FGF12: variants seen among roughly 807,000 people sequenced by gnomAD.
The protein encoded by FGF12 is fibroblast growth factor 12B.
A neutral mutation model predicts 23.6 loss-of-function variants in FGF12; 14 were observed. That is an observed-to-expected ratio of 0.59 (90% CI 0.39 to 0.93). FGF12 has a LOEUF of 0.93. FGF12 is among the 40% of genes least tolerant of loss of function. The probability of loss-of-function intolerance (pLI) is 0.00; values close to 1 mark genes in which losing one functional copy is unlikely to be tolerated. For missense variants in FGF12, 175 were observed against 217.8 expected (o/e 0.80, Z 1.24); for synonymous variants, 62 against 77.3 (o/e 0.80, Z 1.04).
intron 4 of FGF12, among the ~76,000 whole-genome samples, chr3:192,269,000 C>T (rs1233840493): frequency 4.6e-5 from 7 of 152,120 alleles, no homozygotes; most frequent in East Asian, 3.9e-4. Flanking sequence ...CAGCAGCCTC[C>T]GCCTCCTGGG....
chr3:192,420,403 G>A (rs571542907), intron 2 of FGF12, among the ~76,000 whole-genome samples: 11 of 152,144 alleles, frequency 7.2e-5, no homozygotes, highest in South Asian at 2.1e-4. Flanking sequence ...ATGTAGTTCA[G>A]ATGTTAATCC....
intron 2 of FGF12, among the ~76,000 whole-genome samples, chr3:192,704,586 T>A (rs1718407327): frequency 6.6e-6 from 1 of 152,184 alleles, no homozygotes; most frequent in Non-Finnish European, 1.5e-5. Flanking sequence ...AGGGCCCTAC[T>A]ATTTTCAGAA....
At chr3:192,505,807 G>A (rs1005772220) in intron 2 of FGF12, among the ~76,000 whole-genome samples, 11 of 152,114 alleles carry the variant, frequency 7.2e-5, no homozygotes, top group African/African-American at 2.2e-4. Flanking sequence ...ATTTCTTATC[G>A]AGGGTAACAG....
intron 5 of FGF12, among the ~76,000 whole-genome samples, chr3:192,170,256 G>A (rs1254193001): frequency 6.9e-6 from 1 of 145,368 alleles, no homozygotes; most frequent in Non-Finnish European, 1.5e-5. Flanking sequence ...TTCTAGTGTG[G>A]GCGACAGAGC....
At chr3:192,602,732 A>C (rs1164698383) in intron 2 of FGF12, among the ~76,000 whole-genome samples, 1 of 151,982 alleles carries the variant, frequency 6.6e-6, no homozygotes, top group Non-Finnish European at 1.5e-5. Context: ...CAAAAAAAAA[A>C]AAAACACAGA....
chr3:192,202,970 T>C (rs1204221478), intron 4 of FGF12, among the ~76,000 whole-genome samples: 2 of 152,240 alleles, frequency 1.3e-5, no homozygotes, highest in Non-Finnish European at 2.9e-5. Flanking sequence ...AAATACAGCC[T>C]GCTAAACAGT....
chr3:192,296,042 GACTA>G (rs1178460428), intron 4 of FGF12, among the ~76,000 whole-genome samples: 27 of 141,128 alleles, frequency 1.9e-4, no homozygotes, highest in African/African-American at 5.8e-4. Flanking sequence ...CCACCATGCT[GACTA>G]ACTTTGTTTT....
intron 2 of FGF12, among the ~76,000 whole-genome samples, chr3:192,658,850 T>C (rs1028375809): frequency 9.2e-5 from 14 of 152,096 alleles, no homozygotes; most frequent in African/African-American, 3.1e-4. Context: ...TTTCCATTTG[T>C]TCTAAAAAAC....
chr3:192,408,258 A>G lies in FGF12; in HGVS notation c.14-47720T>C, dbSNP rs759023869. 7.1e-6 allele frequency: 11 copies of G among 1,543,838 alleles called. No homozygotes were observed. The African/African-American group carries it at 1.4e-4, about 19-fold the overall frequency. On this transcript the variant is annotated intron_variant, in intron 2 of 5. Transcript: ENST00000445105. This position sits in a 1 kb window ranked among gnomAD's most constrained non-coding sequence, Gnocchi z 7.3. ...GCGAGGGCCTCAGGCCCCAGCCTCTACTGCGCCCTCCGGCTTGCGCTCCGC... is the reference window on the plus strand; with the variant it reads ...GCGAGGGCCTCAGGCCCCAGCCTCTGCTGCGCCCTCCGGCTTGCGCTCCGC...
chr3:192,709,334 T>C (rs1035437841), intron 2 of FGF12, among the ~76,000 whole-genome samples: 4 of 152,206 alleles, frequency 2.6e-5, no homozygotes, highest in African/African-American at 7.2e-5. Context: ...ATGAACGAGT[T>C]TGGAGTCCTG....
chr3:192,623,260 TC>T (rs777826707), intron 2 of FGF12, among the ~76,000 whole-genome samples: 25 of 152,314 alleles, frequency 1.6e-4, no homozygotes, highest in Non-Finnish European at 3.1e-4. Context: ...GGGGGTATCA[TC>T]TTTTTTCTGA....
chr3:192,388,813 AT>A (rs1189989206), intron 2 of FGF12, among the ~76,000 whole-genome samples: 1 of 151,994 alleles, frequency 6.6e-6, no homozygotes, highest in Non-Finnish European at 1.5e-5. Flanking sequence ...TTTAAAACAT[AT>A]TCAATTTTAA....
At chr3:192,692,080 AG>A (rs1717959956) in intron 2 of FGF12, among the ~76,000 whole-genome samples, 1 of 152,190 alleles carries the variant, frequency 6.6e-6, no homozygotes, top group African/African-American at 2.4e-5. Context: ...GAATTCTACC[AG>A]ACATTTAAGG....
chr3:192,365,032 GA>G (rs1044075073), intron 2 of FGF12, among the ~76,000 whole-genome samples: 4 of 150,900 alleles, frequency 2.7e-5, no homozygotes, highest in African/African-American at 9.7e-5. Context: ...CTATTCATGA[GA>G]AAAAAAAATT....
In FGF12 at chr3:192,190,472, T is replaced by TC. The variant is rs1352276284; in HGVS notation, c.229-19817_229-19816insG. 2.8e-3 allele frequency among the ~76,000 whole-genome samples: 365 copies of TC among 130,824 alleles called. 1 individual carries two copies. Among genetic ancestry groups the TC allele is most frequent in the East Asian group, 0.024 (111 of 4,576 alleles). 85.8% of individuals were successfully genotyped at this position (130,824 alleles called of 152,430 possible). On this transcript the variant is annotated intron_variant, in intron 4 of 5. Coordinates refer to ENST00000445105, the MANE Select transcript of FGF12 (RefSeq NM_004113.6). ...ACAATCTGTAAGCCCAATACTCTTT[T>TC]TTTTTTTTTTTTTTTTTTTTTGAGA...
chr3:192,486,677 G>A (rs946996373), intron 2 of FGF12, among the ~76,000 whole-genome samples: 1 of 152,154 alleles, frequency 6.6e-6, no homozygotes, highest in Admixed American at 6.5e-5. Context: ...ATGTTAAAGT[G>A]TTCTTCTTTC....
intron 2 of FGF12, among the ~76,000 whole-genome samples, chr3:192,525,215 A>G (rs1486631257): frequency 1.3e-5 from 2 of 152,178 alleles, no homozygotes; most frequent in African/African-American, 4.8e-5. Flanking sequence ...TGCTGACAAG[A>G]TACCTACATA....
In FGF12 at chr3:192,142,047, G is replaced by A. The variant is rs1290307957; in HGVS notation, c.*1962C>T. 1 of 152,282 alleles carries A rather than the reference G, an allele frequency of 6.6e-6. No homozygotes were observed. The highest frequency in any genetic ancestry group is 6.6e-5 in the Admixed American group (1 of 15,238). The allele number at this position is 152,282 out of a possible 1,614,324, so 9.4% of individuals were successfully genotyped here. On this transcript the variant is annotated 3_prime_UTR_variant, in exon 6 of 6. Coordinates refer to ENST00000445105, the MANE Select transcript of FGF12 (RefSeq NM_004113.6). The stretch of plus-strand genomic sequence containing the variant: ...CCCCAGGGGTATTCTTTTCCTAGAA[G>A]AGCAAGTCCATTTTTAGAAAATTTA...
chr3:192,503,929 T>C lies in FGF12; in HGVS notation c.14-143391A>G, dbSNP rs1014941994. ...CAGCACCGTTCACTTTGCAAAGACATGGAATCAACCTAAATGTCCATCAGT... is the reference window on the plus strand; with the variant it reads ...CAGCACCGTTCACTTTGCAAAGACACGGAATCAACCTAAATGTCCATCAGT... On this transcript the variant is annotated intron_variant, in intron 2 of 5. Coordinates refer to ENST00000445105, the MANE Select transcript of FGF12 (RefSeq NM_004113.6). Among the ~76,000 whole-genome samples the C allele has an allele frequency of 3.9e-4, 59 of 152,184 alleles. 1 individual carries two copies. The highest frequency in any genetic ancestry group is 3.7e-3 in the Admixed American group (57 of 15,258).
Sources: gnomAD v4.1 joint callset for allele counts (sites outside exome capture counted in the v4.1 genomes callset) on GRCh38, gnomAD v4.1.1 for gene constraint, Gnocchi (gnomAD v3.1) non-coding constraint, MANE v1.5 for transcripts, NCBI Gene and HGNC (gene_info 2026-07-23, HGNC 2026-07-21) for gene names.